Variants in DCDC1 observed in about 807,000 individuals in gnomAD.
DCDC1 encodes the protein doublecortin domain-containing protein 1.
A neutral mutation model predicts 178.3 loss-of-function variants in DCDC1; 200 were observed. That is an observed-to-expected ratio of 1.12 (90% CI 1.00 to 1.26). DCDC1 has a LOEUF of 1.26. Ranked by LOEUF, DCDC1 falls within the 50% of genes most tolerant of loss-of-function variation. The pLI, the probability that DCDC1 is intolerant of heterozygous loss-of-function variation, is 0.00. For synonymous variants in DCDC1, 690 were observed against 604.8 expected (o/e 1.14, Z -2.07); for missense variants, 1,983 against 1,749.2 (o/e 1.13, Z -2.38).
chr11:30,913,281 G>A (rs960532214), intron 27 of DCDC1, among the ~76,000 whole-genome samples: 29 of 152,010 alleles, frequency 1.9e-4, no homozygotes, highest in African/African-American at 7.0e-4. Context: ...GGTGGCGGGT[G>A]CCTGTAGTCC....
intron 20 of DCDC1, among the ~76,000 whole-genome samples, chr11:30,960,911 C>A (rs887206047): frequency 1.3e-5 from 2 of 152,098 alleles, no homozygotes; most frequent in Non-Finnish European, 2.9e-5. Context: ...TGAGTATCTA[C>A]TTCCATGGAT....
At chr11:31,295,177 GCCTAATA>G in intron 6 of DCDC1, among the ~76,000 whole-genome samples, 1 of 152,260 alleles carries the variant, frequency 6.6e-6, no homozygotes, top group African/African-American at 2.4e-5. Flanking sequence ...TATTTATAAT[GCCTAATA>G]CAATGTGAAT....
chr11:31,073,915 T>C (rs992486476), intron 18 of DCDC1, among the ~76,000 whole-genome samples: 1 of 152,188 alleles, frequency 6.6e-6, no homozygotes, highest in African/African-American at 2.4e-5. Context: ...TATCAAACTC[T>C]AAATTTCTAA....
At chr11:31,157,667 G>T (rs1965869161) in intron 9 of DCDC1, among the ~76,000 whole-genome samples, 1 of 152,052 alleles carries the variant, frequency 6.6e-6, no homozygotes, top group Admixed American at 6.6e-5. Context: ...CAGAATGGTG[G>T]TTGCCAGGGT....
At chr11:31,164,946 T>C (rs942832468) in intron 9 of DCDC1, among the ~76,000 whole-genome samples, 22 of 152,206 alleles carry the variant, frequency 1.4e-4, no homozygotes, top group Non-Finnish European at 3.1e-4. Context: ...ACCTTTTCTA[T>C]CATGTTTTTA....
intron 9 of DCDC1, among the ~76,000 whole-genome samples, chr11:31,183,119 AC>A (rs1969036687): frequency 1.3e-5 from 2 of 152,206 alleles, no homozygotes; most frequent in Admixed American, 1.3e-4. Context: ...TTAGAGATCT[AC>A]GAAGAGACTT....
At chr11:31,144,988 T>C (rs1964283626) in intron 9 of DCDC1, among the ~76,000 whole-genome samples, 2 of 152,108 alleles carry the variant, frequency 1.3e-5, no homozygotes, top group South Asian at 2.1e-4. Context: ...TTATCTTCTA[T>C]AACTTTTATT....
chr11:30,888,094 AAGAAAAAG>A (rs1943392573), intron 36 of DCDC1, among the ~76,000 whole-genome samples: 32 of 118,946 alleles, frequency 2.7e-4, no homozygotes, highest in African/African-American at 1.0e-3. Context: ...GAAAGAAAGA[AAGAAAAAG>A]AAAGAAAGAA....
chr11:31,132,658 G>T (rs1036265138), intron 10 of DCDC1, among the ~76,000 whole-genome samples: 2 of 152,102 alleles, frequency 1.3e-5, no homozygotes, highest in African/African-American at 4.8e-5. Flanking sequence ...AAACATAGAG[G>T]CCTGAGAGAC....
chr11:31,287,784 A>C (rs2137359214), intron 7 of DCDC1, among the ~76,000 whole-genome samples: 1 of 152,072 alleles, frequency 6.6e-6, no homozygotes. Context: ...AAACTAGGGA[A>C]TCAGGGAAAA....
At chr11:31,090,653 T>C (rs1957770047) in intron 17 of DCDC1, among the ~76,000 whole-genome samples, 1 of 152,198 alleles carries the variant, frequency 6.6e-6, no homozygotes. Flanking sequence ...TATATCTGCT[T>C]TGCAAGTTAG....
At chr11:31,262,879 T>C (rs1288731884) in intron 8 of DCDC1, 4 of 529,592 alleles carry the variant, frequency 7.6e-6, no homozygotes, top group East Asian at 6.1e-5. Context: ...CCAGTGAACT[T>C]GTAATGCTTC....
chr11:30,991,678 C>G (rs1432420371), intron 20 of DCDC1, among the ~76,000 whole-genome samples: 1 of 151,958 alleles, frequency 6.6e-6, no homozygotes, highest in Non-Finnish European at 1.5e-5. Context: ...TCTTCTCCAG[C>G]TTGAAAAAAT....
At chr11:30,939,057 G>T (rs1390854446) in intron 21 of DCDC1, among the ~76,000 whole-genome samples, 1 of 152,082 alleles carries the variant, frequency 6.6e-6, no homozygotes, top group Non-Finnish European at 1.5e-5. Context: ...CACTTGCTTT[G>T]TATCTAGGAT....
intron 9 of DCDC1, among the ~76,000 whole-genome samples, chr11:31,225,069 A>C (rs1974749177): frequency 6.6e-6 from 1 of 152,204 alleles, no homozygotes; most frequent in African/African-American, 2.4e-5. Context: ...ATGCATGCTT[A>C]TAGCAGCACA....
At chr11:31,340,813 C>T (rs146204684) in intron 1 of DCDC1, among the ~76,000 whole-genome samples, 67 of 152,240 alleles carry the variant, frequency 4.4e-4, no homozygotes, top group African/African-American at 1.5e-3. Context: ...TCTGCACTCA[C>T]GGGAGCCAAT....
At chr11:30,993,724 T>A (rs1210927782) in intron 20 of DCDC1, among the ~76,000 whole-genome samples, 2 of 152,090 alleles carry the variant, frequency 1.3e-5, no homozygotes. Flanking sequence ...ATAACAACTA[T>A]TTGAAAGACA....
chr11:31,358,336 GA>G (rs1289921420), intron 1 of DCDC1, among the ~76,000 whole-genome samples: 2 of 152,160 alleles, frequency 1.3e-5, no homozygotes, highest in Admixed American at 1.3e-4. Context: ...AAGCAATGGG[GA>G]AAGGATTCCC....
chr11:31,257,655 C>A (rs761416490), intron 8 of DCDC1, among the ~76,000 whole-genome samples: 1 of 150,756 alleles, frequency 6.6e-6, no homozygotes, highest in African/African-American at 2.4e-5. Flanking sequence ...AAAAATGGTA[C>A]GCATCTGACC....
Sources: gnomAD v4.1 joint callset for allele counts (sites outside exome capture counted in the v4.1 genomes callset) on GRCh38, gnomAD v4.1.1 for gene constraint, MANE v1.5 for transcripts, NCBI Gene and HGNC (gene_info 2026-07-23, HGNC 2026-07-21) for gene names.